The following FAM107B variants were observed in gnomAD, a reference collection of about 807,000 sequenced individuals.
FAM107B encodes family with sequence similarity 107 member B.
In FAM107B, 21 loss-of-function variants were observed where a neutral mutation model predicts 31.5. The ratio of observed to expected loss-of-function variants is 0.67; its 90% CI spans 0.47 to 0.96. The LOEUF (loss-of-function observed/expected upper bound fraction) is 0.96. FAM107B is among the 40% of genes least tolerant of loss of function. FAM107B has a pLI of 0.00. For missense variants in FAM107B, 452 were observed against 377.1 expected (o/e 1.20, Z -1.64); for synonymous variants, 157 against 141.5 (o/e 1.11, Z -0.78).
At chr10:14,642,213 C>A (rs1454338474) in intron 2 of FAM107B, among the ~76,000 whole-genome samples, 2 of 152,216 alleles carry the variant, frequency 1.3e-5, no homozygotes, top group Non-Finnish European at 2.9e-5. Flanking sequence ...CTCAATGTCC[C>A]ATCTTCCAGG....
intron 1 of FAM107B, among the ~76,000 whole-genome samples, chr10:14,766,081 A>T (rs1323067548): frequency 6.6e-6 from 1 of 152,214 alleles, no homozygotes; most frequent in African/African-American, 2.4e-5. Flanking sequence ...ATAAAAATCA[A>T]TATATTGAAT....
At chr10:14,598,395 GC>G (rs1488277615) in intron 2 of FAM107B, among the ~76,000 whole-genome samples, 2 of 152,164 alleles carry the variant, frequency 1.3e-5, no homozygotes, top group African/African-American at 4.8e-5. Flanking sequence ...AAGCAGTTCC[GC>G]CACAAGCACG....
intron 2 of FAM107B, chr10:14,663,322 C>G (rs1854299362): frequency 6.6e-6 from 1 of 152,142 alleles, no homozygotes; most frequent in African/African-American, 2.4e-5. Flanking sequence ...TAGTTCTGTC[C>G]CTCTAGAGAA....
At chr10:14,739,675 A>T (rs549049770) in intron 1 of FAM107B, among the ~76,000 whole-genome samples, 6 of 152,332 alleles carry the variant, frequency 3.9e-5, no homozygotes, top group African/African-American at 1.4e-4. Context: ...TTCCCAGACC[A>T]CAAGAATTGT....
At chr10:14,764,873 C>G (rs368420729) in intron 1 of FAM107B, among the ~76,000 whole-genome samples, 2 of 152,164 alleles carry the variant, frequency 1.3e-5, no homozygotes, top group African/African-American at 4.8e-5. Context: ...GCTATACACA[C>G]GTAGGTATTT....
intron 1 of FAM107B, among the ~76,000 whole-genome samples, chr10:14,761,497 T>C (rs564368731): frequency 6.6e-6 from 1 of 152,258 alleles, no homozygotes; most frequent in African/African-American, 2.4e-5. Context: ...ATAAGTGAGA[T>C]AATACGTCTG....
chr10:14,631,685 G>T (rs1262812949), intron 2 of FAM107B, among the ~76,000 whole-genome samples: 1 of 151,936 alleles, frequency 6.6e-6, no homozygotes, highest in Admixed American at 6.6e-5. Flanking sequence ...AACCTCCTGG[G>T]TCCCCACCCC....
chr10:14,697,433 A>G (rs1855293305), intron 1 of FAM107B, among the ~76,000 whole-genome samples: 2 of 152,232 alleles, frequency 1.3e-5, no homozygotes, highest in East Asian at 1.9e-4. Context: ...ATGTAATTGG[A>G]AAGTTTGCCG....
chr10:14,691,116 G>A (rs1218251239), intron 1 of FAM107B, among the ~76,000 whole-genome samples: 1 of 151,636 alleles, frequency 6.6e-6, no homozygotes, highest in African/African-American at 2.4e-5. Context: ...GTTCACTGCA[G>A]CCTCGACCTC....
chr10:14,525,608 T>C (rs1253475336), intron 3 of FAM107B, among the ~76,000 whole-genome samples: 1 of 152,208 alleles, frequency 6.6e-6, no homozygotes, highest in East Asian at 1.9e-4. Context: ...TACCAACAGT[T>C]GGGTCTATGT....
chr10:14,723,132 G>C, intron 1 of FAM107B: 1 of 431,478 alleles, frequency 2.3e-6, no homozygotes, highest in South Asian at 1.7e-5. Flanking sequence ...CATCAGACTT[G>C]TGTCCACGTT....
chr10:14,745,304 G>A (rs896101018), intron 1 of FAM107B, among the ~76,000 whole-genome samples: 1 of 151,836 alleles, frequency 6.6e-6, no homozygotes, highest in African/African-American at 2.4e-5. Context: ...ATCTCCTTCA[G>A]TTCCTCTCTG....
At chr10:14,667,389 TG>T in intron 2 of FAM107B, among the ~76,000 whole-genome samples, 1 of 152,364 alleles carries the variant, frequency 6.6e-6, no homozygotes, top group East Asian at 1.9e-4. Context: ...TGCAAGTGTT[TG>T]TTCATCAAGA....
chr10:14,524,437 A>T (rs917233923), intron 3 of FAM107B, among the ~76,000 whole-genome samples: 5 of 152,196 alleles, frequency 3.3e-5, no homozygotes, highest in African/African-American at 1.2e-4. Flanking sequence ...CCGTTAAAAA[A>T]AATTTGGCCA....
intron 2 of FAM107B, among the ~76,000 whole-genome samples, chr10:14,594,874 T>C (rs528561391): frequency 6.6e-6 from 1 of 152,352 alleles, no homozygotes; most frequent in African/African-American, 2.4e-5. Flanking sequence ...TTAAGGCACA[T>C]CTCAGTGGAC....
chr10:14,688,357 G>A (rs747143459), intron 1 of FAM107B, among the ~76,000 whole-genome samples: 3 of 152,048 alleles, frequency 2.0e-5, no homozygotes, highest in Non-Finnish European at 2.9e-5. Flanking sequence ...CCTTGTGATC[G>A]CGTGAGTCAG....
chr10:14,576,827 T>G (rs1851480801), intron 2 of FAM107B, among the ~76,000 whole-genome samples: 1 of 152,208 alleles, frequency 6.6e-6, no homozygotes, highest in African/African-American at 2.4e-5. Flanking sequence ...AATGAAAACC[T>G]AGTTAAGAAC....
chr10:14,530,351 G>C lies in FAM107B; in HGVS notation c.634C>G (p.Leu212Val), dbSNP rs1296666110. ...TTTTACCTTTTTTGATTCATAAGAAGTTCTCTGTGAAGATCTTGATGGTTC... is the reference window on the plus strand; with the variant it reads ...TTTTACCTTTTTTGATTCATAAGAACTTCTCTGTGAAGATCTTGATGGTTC... ...SRNHQDLHRE[L>V]LMNQKRGLAP... Residue 212 changes from leucine to valine, a missense_variant, in exon 3 of 5, where the codon CTT becomes GTT. Leu to Val is a conservative substitution (Grantham distance 32, BLOSUM62 1). Transcript: ENST00000181796. The C allele has an allele frequency of 1.9e-6, 3 of 1,610,388 alleles. No individual in the cohort carries two copies.
intron 1 of FAM107B, among the ~76,000 whole-genome samples, chr10:14,766,551 G>C (rs185427281): frequency 6.6e-6 from 1 of 152,092 alleles, no homozygotes; most frequent in Non-Finnish European, 1.5e-5. Flanking sequence ...GTAGGGATTT[G>C]ATTTTTACTC....
Sources: gnomAD v4.1 joint callset for allele counts (sites outside exome capture counted in the v4.1 genomes callset) on GRCh38, gnomAD v4.1.1 for gene constraint, MANE v1.5 for transcripts, NCBI Gene and HGNC (gene_info 2026-07-23, HGNC 2026-07-21) for gene names.